CLASP2: variants seen among roughly 807,000 people sequenced by gnomAD.
The protein encoded by CLASP2 is cytoplasmic linker associated protein 2.
In CLASP2, 47 loss-of-function variants were observed where a neutral mutation model predicts 194.4. The ratio of observed to expected loss-of-function variants is 0.24; its 90% CI spans 0.19 to 0.31. The LOEUF (loss-of-function observed/expected upper bound fraction) is 0.31, where lower values mean the gene tolerates loss of function less well. Among genes scored for constraint, CLASP2 ranks in the 10% least tolerant of loss-of-function variants. CLASP2 has a pLI of 1.00. For missense variants in CLASP2, 1,445 were observed against 1,823.6 expected (o/e 0.79, Z 3.78); for synonymous variants, 619 against 633.5 (o/e 0.98, Z 0.34).
chr3:33,701,287 T>C (rs2092353409), intron 1 of CLASP2, among the ~76,000 whole-genome samples: 1 of 152,232 alleles, frequency 6.6e-6, no homozygotes, highest in African/African-American at 2.4e-5. Context: ...AATTATCTGA[T>C]TTGAAGACTT....
chr3:33,574,369 T>C, intron 24 of CLASP2: 3 of 689,870 alleles, frequency 4.3e-6, no homozygotes, highest in Non-Finnish European at 7.1e-6. Flanking sequence ...TCTAAGGATT[T>C]TACTTCTACT....
chr3:33,513,523 C>T (rs1238348220), intron 36 of CLASP2, among the ~76,000 whole-genome samples: 1 of 152,052 alleles, frequency 6.6e-6, no homozygotes, highest in Non-Finnish European at 1.5e-5. Flanking sequence ...CAGCGAGACT[C>T]GGTCTCAAAA....
rs1337621830 is a variant in CLASP2, at chr3:33,701,760, G to A, written c.196-4827C>T. Among the ~76,000 whole-genome samples the A allele has an allele frequency of 3.9e-5, 6 of 152,176 alleles. No individual in the cohort carries two copies. The South Asian group carries it at 1.0e-3, about 26-fold the overall frequency. On this transcript the variant is annotated intron_variant, in intron 1 of 38. Coordinates refer to ENST00000682230, the MANE Select transcript of CLASP2 (RefSeq NM_001365631.1). Reference sequence around the variant, plus strand: ...GGTGATGTTACAATTGGATATCCATGTGCAAAATAAAAAATGAACCTCAAC... The same window carrying A: ...GGTGATGTTACAATTGGATATCCATATGCAAAATAAAAAATGAACCTCAAC...
At chr3:33,572,373 T>C (rs536722302) in intron 25 of CLASP2, among the ~76,000 whole-genome samples, 51 of 152,188 alleles carry the variant, frequency 3.4e-4, no homozygotes, top group Non-Finnish European at 4.4e-4. Context: ...TTATTTTAAA[T>C]TATATAGTTC....
chr3:33,596,564 A>C (rs1464057083), intron 19 of CLASP2, 147 bp downstream of exon 19: 1 of 715,148 alleles, frequency 1.4e-6, no homozygotes, highest in East Asian at 2.6e-5. Context: ...CATTCAGAGA[A>C]TTATGTAGCC....
chr3:33,527,234 AAAG>A (rs745491648), intron 34 of CLASP2, among the ~76,000 whole-genome samples: 2 of 152,216 alleles, frequency 1.3e-5, no homozygotes, highest in East Asian at 1.9e-4. Context: ...CTAGACTAAC[AAAG>A]AAGGAGAGAA....
At chr3:33,638,430 G>A (rs951416925) in intron 8 of CLASP2, among the ~76,000 whole-genome samples, 3 of 152,006 alleles carry the variant, frequency 2.0e-5, no homozygotes, top group South Asian at 2.1e-4. Context: ...TCAGCCTCCC[G>A]AATAGCTGGG....
Position 33,584,826 on chromosome 3 carries a change from G to A in CLASP2, c.2163C>T (p.Ala721=), listed in dbSNP as rs375340872. Residue 721 remains alanine, a synonymous_variant, in exon 22 of 39, where the codon GCC becomes GCT. Coordinates refer to ENST00000682230, the MANE Select transcript of CLASP2 (RefSeq NM_001365631.1). The part of the protein sequence containing the change: ...SGVQRVLVNS[A]SAQKRSKIPR... ...GTATCTTGCTTCTTTTTTGTGCTGA[G>A]GCTGAATTGACCAGGACTCTTTGAA... 2.7e-5 allele frequency: 43 copies of A among 1,613,566 alleles called. No individual in the cohort carries two copies. Among genetic ancestry groups the A allele is most frequent in the Non-Finnish European group, 3.6e-5 (43 of 1,179,856 alleles).
At chr3:33,599,577 G>C (rs1162404586) in intron 18 of CLASP2, among the ~76,000 whole-genome samples, 1 of 152,168 alleles carries the variant, frequency 6.6e-6, no homozygotes, top group Non-Finnish European at 1.5e-5. Flanking sequence ...GAGAGATTCA[G>C]TATAGAAGCA....
At chr3:33,583,676 A>C (rs1331927534) in intron 22 of CLASP2, among the ~76,000 whole-genome samples, 1 of 152,232 alleles carries the variant, frequency 6.6e-6, no homozygotes, top group Non-Finnish European at 1.5e-5. Flanking sequence ...GGAAGTTGAG[A>C]TACTGATTGA....
At chr3:33,546,674 A>C (rs2059204103) in intron 30 of CLASP2, among the ~76,000 whole-genome samples, 1 of 152,150 alleles carries the variant, frequency 6.6e-6, no homozygotes, top group South Asian at 2.1e-4. Flanking sequence ...ATTTCTTACA[A>C]TAGATGAGGA....
At chr3:33,717,571 C>A (rs989072865) in intron 1 of CLASP2, among the ~76,000 whole-genome samples, 2 of 152,066 alleles carry the variant, frequency 1.3e-5, no homozygotes, top group Admixed American at 1.3e-4. Context: ...GGATTACAGG[C>A]GCCCGCCACC....
chr3:33,708,513 T>G (rs1418320411), intron 1 of CLASP2, among the ~76,000 whole-genome samples: 1 of 119,484 alleles, frequency 8.4e-6, no homozygotes, highest in Non-Finnish European at 1.6e-5. Context: ...TATGTATATA[T>G]ATGTATATAT....
intron 6 of CLASP2, among the ~76,000 whole-genome samples, chr3:33,672,139 C>T (rs1355102871): frequency 1.3e-5 from 2 of 152,212 alleles, no homozygotes; most frequent in Non-Finnish European, 2.9e-5. Context: ...CAGACTGCCT[C>T]CTCAAGTGGG....
intron 6 of CLASP2, among the ~76,000 whole-genome samples, chr3:33,681,858 T>C (rs1575554194): frequency 6.6e-6 from 1 of 152,132 alleles, no homozygotes; most frequent in South Asian, 2.1e-4. Flanking sequence ...CCTTCATGAA[T>C]AGATTAATGT....
chr3:33,643,441 C>T (rs1032610572), intron 8 of CLASP2, among the ~76,000 whole-genome samples: 3 of 151,722 alleles, frequency 2.0e-5, no homozygotes, highest in Non-Finnish European at 4.4e-5. Flanking sequence ...AGGAATGCAA[C>T]ATAAAAACTA....
intron 8 of CLASP2, among the ~76,000 whole-genome samples, chr3:33,639,395 T>C (rs1487898718): frequency 6.6e-6 from 1 of 152,150 alleles, no homozygotes; most frequent in Non-Finnish European, 1.5e-5. Context: ...GCCTTGCACA[T>C]AGTAAGCTCT....
chr3:33,630,068 C>T lies in CLASP2; in HGVS notation c.942+2224G>A, dbSNP rs573883864. Among the ~76,000 whole-genome samples the T allele has an allele frequency of 2.6e-3, 399 of 152,190 alleles. 1 individual carries two copies. Among genetic ancestry groups the T allele is most frequent in the Admixed American group, 5.4e-3 (83 of 15,274 alleles). ...TCAATTAATGACTTTGGAAACGTAA[C>T]GGTAACACACAGATGATATCAAAAT... On this transcript the variant is annotated intron_variant, in intron 9 of 38. Coordinates refer to ENST00000682230, the MANE Select transcript of CLASP2 (RefSeq NM_001365631.1).
At chr3:33,616,357 C>T (rs2076157062) in intron 12 of CLASP2, among the ~76,000 whole-genome samples, 1 of 151,870 alleles carries the variant, frequency 6.6e-6, no homozygotes, top group African/African-American at 2.4e-5. Context: ...AATATATTAA[C>T]AAAATATGTA....
Sources: allele counts gnomAD v4.1 joint callset (sites outside exome capture counted in the v4.1 genomes callset), GRCh38; gene constraint gnomAD v4.1.1; transcripts MANE v1.5; gene names NCBI Gene and HGNC (gene_info 2026-07-23, HGNC 2026-07-21).